OTUD7B: variants seen among roughly 807,000 people sequenced by gnomAD.
OTUD7B encodes OTU deubiquitinase 7B.
In OTUD7B, 34 loss-of-function variants were observed where a neutral mutation model predicts 82.2. The ratio of observed to expected loss-of-function variants is 0.41; its 90% confidence interval spans 0.31 to 0.55. The LOEUF (loss-of-function observed/expected upper bound fraction) is 0.55, where lower values mean the gene tolerates loss of function less well. OTUD7B is among the 20% of genes least tolerant of loss of function. The pLI is 0.20. For synonymous variants in OTUD7B, 398 were observed against 402.7 expected, an observed-to-expected ratio of 0.99 and a Z score of 0.14; for missense variants, 944 against 1,062.1, an observed-to-expected ratio of 0.89 and a Z score of 1.55.
chr1:150,014,417 T>A (rs1309008468), upstream of OTUD7B, among the ~76,000 whole-genome samples: 1 of 141,812 alleles, frequency 7.1e-6, no homozygotes, highest in Non-Finnish European at 1.5e-5. Flanking sequence ...AAAAAAGCTG[T>A]ATGAGGGGAA....
the OTUD7B span, among the ~76,000 whole-genome samples, chr1:150,031,852 T>C: frequency 4.1e-4 from 63 of 152,326 alleles, no homozygotes; most frequent in Non-Finnish European, 5.6e-4. Context: ...CTCTGGCACA[T>C]AATAAGGTCT....
At chr1:150,043,353 T>A in the OTUD7B span, among the ~76,000 whole-genome samples, 1 of 152,180 alleles carries the variant, frequency 6.6e-6, no homozygotes, top group Non-Finnish European at 1.5e-5. Context: ...TATTTAGTAC[T>A]AAAAACAAAC....
intron 1 of OTUD7B, among the ~76,000 whole-genome samples, chr1:149,992,006 G>A (rs1651598602): frequency 6.6e-6 from 1 of 152,166 alleles, no homozygotes; most frequent in South Asian, 2.1e-4. Flanking sequence ...AAGGCAGGCG[G>A]ATCATTAGGT....
At position 149,940,375 on chromosome 1, in the gene OTUD7B, AG is replaced by A. The variant is rs2092753202; in HGVS notation, c.*3481del. The A allele has an allele frequency of 6.6e-6, 1 of 152,202 alleles. No homozygotes were observed. Among genetic ancestry groups the A allele is most frequent in the Non-Finnish European group, 1.5e-5 (1 of 68,036 alleles). The allele number at this position is 152,202 out of a possible 1,614,324, so 9.4% of individuals were successfully genotyped here. Reference sequence around the variant, plus strand: ...ATTTTGTTGATAAAAACCAGTATGGAGGAAAAACTTCTGGTTAAATCTTGTA... The same window carrying A: ...ATTTTGTTGATAAAAACCAGTATGGAGAAAAACTTCTGGTTAAATCTTGTA... On this transcript the variant is annotated 3_prime_UTR_variant, in exon 12 of 12. Coordinates refer to ENST00000581312, the MANE Select transcript of OTUD7B (RefSeq NM_020205.4).
At chr1:150,044,483 C>T in the OTUD7B span, among the ~76,000 whole-genome samples, 1 of 152,038 alleles carries the variant, frequency 6.6e-6, no homozygotes, top group Admixed American at 6.6e-5. Context: ...GTTGGGATTA[C>T]AGGCATGAGC....
chr1:150,005,672 T>TA (rs1652614104), intron 1 of OTUD7B, among the ~76,000 whole-genome samples: 1 of 151,588 alleles, frequency 6.6e-6, no homozygotes, highest in Non-Finnish European at 1.5e-5. Context: ...CTTTTTTTTT[T>TA]AATTGGACAT....
chr1:149,989,690 G>A (rs1553781560), intron 1 of OTUD7B, among the ~76,000 whole-genome samples: 1 of 127,676 alleles, frequency 7.8e-6, no homozygotes, highest in African/African-American at 3.0e-5. Context: ...AGTGAGCTAT[G>A]ATAGTGCCAT....
rs148751820 is a variant in OTUD7B, at chr1:149,943,744, C to T, written c.*113G>A. ...ACACACTTAAAAGTTTCCAGCCAGG[C>T]TCCCACAAACATTACTGCATTTTCC... On this transcript the variant is annotated 3_prime_UTR_variant, in exon 12 of 12. Transcript: ENST00000581312. 2.4e-4 allele frequency: 287 copies of T among 1,174,116 alleles called. 1 individual carries two copies. In the East Asian group the frequency reaches 6.3e-3, roughly 26 times the overall value. The allele number at this position is 1,174,116 out of a possible 1,614,324, so 72.7% of individuals were successfully genotyped here.
rs1553777541 is a variant in OTUD7B, at chr1:149,971,130, C to T, written c.207G>A (p.Gly69=). Residue 69 remains glycine (G), a synonymous_variant, in exon 3 of 12, where the codon GGG becomes GGA. Transcript: ENST00000581312. Reference sequence around the variant, plus strand: ...GGCGAGTAGGCTCTCTGTCAGAAAACCCTTTTTCAGGGGTCCTGGAGCCAC... The same window carrying T: ...GGCGAGTAGGCTCTCTGTCAGAAAATCCTTTTTCAGGGGTCCTGGAGCCAC... ...GSGGSRTPEK[G]FSDREPTRPP... 5.0e-6 allele frequency: 8 copies of T among 1,613,476 alleles called. No individual in the cohort carries two copies. Among genetic ancestry groups the T allele is most frequent in the East Asian group, 2.2e-5 (1 of 44,888 alleles).
At position 150,010,477 on chromosome 1, in the gene OTUD7B, G is replaced by T. The variant is rs1231214830; in HGVS notation, c.-96C>A. Reference sequence around the variant, plus strand: ...GCGGGCTCCCGGGGCAAGGCCCTAGGCCGGGGCGGAGCGCGGGGCCCGGCC... The same window carrying T: ...GCGGGCTCCCGGGGCAAGGCCCTAGTCCGGGGCGGAGCGCGGGGCCCGGCC... On this transcript the variant is annotated 5_prime_UTR_variant, in exon 1 of 12. Coordinates refer to ENST00000581312, the MANE Select transcript of OTUD7B (RefSeq NM_020205.4). 6.6e-6 allele frequency: 1 copy of T among 152,552 alleles called. No homozygotes were observed. Among genetic ancestry groups the T allele is most frequent in the Non-Finnish European group, 1.5e-5 (1 of 68,132 alleles). The allele number at this position is 152,552 out of a possible 1,614,324, so 9.4% of individuals were successfully genotyped here.
chr1:150,020,471 A>G, the OTUD7B span, among the ~76,000 whole-genome samples: 2 of 152,156 alleles, frequency 1.3e-5, no homozygotes, highest in East Asian at 1.9e-4. Context: ...AGGGAGGTGG[A>G]GGTTGCAGTG....
chr1:149,988,887 G>GA (rs1189135291), intron 1 of OTUD7B, among the ~76,000 whole-genome samples: 2 of 151,876 alleles, frequency 1.3e-5, no homozygotes, highest in Admixed American at 6.6e-5. Context: ...TCACACAAGA[G>GA]AAAAAAACAC....
intron 11 of OTUD7B, 103 bp from the exon 12 acceptor site, chr1:149,945,168 C>A: frequency 7.0e-7 from 1 of 1,437,970 alleles, no homozygotes; most frequent in Non-Finnish European, 9.2e-7. Flanking sequence ...GAGCTCCCTG[C>A]AGCCATGGCT....
the OTUD7B span, among the ~76,000 whole-genome samples, chr1:150,029,762 G>A: frequency 3.6e-4 from 55 of 152,282 alleles, no homozygotes; most frequent in African/African-American, 1.3e-3. Context: ...TAGCAGGGAA[G>A]GTGCAATGGG....
intron 1 of OTUD7B, among the ~76,000 whole-genome samples, chr1:150,004,648 C>T (rs1023383872): frequency 2.6e-5 from 4 of 151,242 alleles, no homozygotes; most frequent in Admixed American, 1.3e-4. Flanking sequence ...AGCTTTTTAA[C>T]ACCCTCTATA....
upstream of OTUD7B, among the ~76,000 whole-genome samples, chr1:150,015,302 G>GTT (rs1169378604): frequency 1.3e-5 from 1 of 79,256 alleles, no homozygotes; most frequent in African/African-American, 4.5e-5. Flanking sequence ...TTTTTTTTTT[G>GTT]TTTTTTTTTG....
chr1:149,949,879 C>T (rs1648054018), intron 8 of OTUD7B, 101 bp from the exon 9 acceptor site: 3 of 1,358,174 alleles, frequency 2.2e-6, no homozygotes, highest in Non-Finnish European at 2.0e-6. Context: ...GCTTTCATTC[C>T]AACATGTTTA....
At chr1:149,995,600 A>AC (rs1454156874) in intron 1 of OTUD7B, among the ~76,000 whole-genome samples, 14 of 150,256 alleles carry the variant, frequency 9.3e-5, no homozygotes, top group Middle Eastern at 3.3e-3. Context: ...ACAAAACAAA[A>AC]AAAAACACTG....
chr1:150,006,460 C>T (rs1164635030), intron 1 of OTUD7B, among the ~76,000 whole-genome samples: 1 of 152,124 alleles, frequency 6.6e-6, no homozygotes, highest in East Asian at 1.9e-4. Context: ...TTTCCTAAAC[C>T]TCCATAGCAC....
Sources: gnomAD v4.1 joint callset for allele counts (sites outside exome capture counted in the v4.1 genomes callset) on GRCh38, gnomAD v4.1.1 for gene constraint, MANE v1.5 for transcripts, NCBI Gene and HGNC (gene_info 2026-07-23, HGNC 2026-07-21) for gene names.